Variants in KIRREL3 observed in about 807,000 individuals in gnomAD.
KIRREL3 encodes the protein kin of IRRE-like protein 3.
KIRREL3 carries 36 observed loss-of-function variants against 89.7 expected under a neutral mutation model. That is an observed-to-expected ratio of 0.40 (90% CI 0.31 to 0.53). The LOEUF (loss-of-function observed/expected upper bound fraction) is 0.53. Among genes scored for constraint, KIRREL3 ranks in the 20% least tolerant of loss-of-function variants. The pLI, the probability that KIRREL3 is intolerant of heterozygous loss-of-function variation, is 0.49. For missense variants in KIRREL3, 864 were observed against 1,056.6 expected, an observed-to-expected ratio of 0.82 and a Z score of 2.53; for synonymous variants, 445 against 441.4, an observed-to-expected ratio of 1.01 and a Z score of -0.10.
At chr11:126,506,431 G>A (rs1051561351) in intron 4 of KIRREL3, among the ~76,000 whole-genome samples, 7 of 152,090 alleles carry the variant, frequency 4.6e-5, no homozygotes, top group African/African-American at 1.7e-4. Flanking sequence ...TTTAAAAATA[G>A]GCAAAATATT....
chr11:126,693,769 T>G (rs955476500), intron 1 of KIRREL3, among the ~76,000 whole-genome samples: 5 of 152,244 alleles, frequency 3.3e-5, no homozygotes, highest in African/African-American at 1.2e-4. Flanking sequence ...AAGTCGCATC[T>G]GGTAGCAGAG....
Position 126,431,582 on chromosome 11 carries a change from C to A in KIRREL3, c.1589-56G>T. On this transcript the variant is annotated intron_variant, in intron 13 of 16. Coordinates refer to ENST00000525144, the MANE Select transcript of KIRREL3 (RefSeq NM_032531.4). This position sits in a 1 kb window ranked among gnomAD's most constrained non-coding sequence, Gnocchi z 7.1. The stretch of plus-strand genomic sequence containing the variant: ...CGGATGGGGAATGGCCTACTATCCC[C>A]CCATGATCTCACCCCGTTCCTGCGG... The A allele has an allele frequency of 6.5e-7, 1 of 1,542,120 alleles. No individual in the cohort carries two copies. Among genetic ancestry groups the A allele is most frequent in the South Asian group, 1.1e-5 (1 of 88,508 alleles).
Position 126,423,792 on chromosome 11 carries a change from A to C in KIRREL3, c.*788T>G, listed in dbSNP as rs561612536. On this transcript the variant is annotated 3_prime_UTR_variant, in exon 17 of 17. Transcript: ENST00000525144. ...GGAGGGGAGGAGTACACAAAGCAGG[A>C]GGTGGGTGGGGAGGCTGGGGTCACA... 1.3e-5 allele frequency: 2 copies of C among 151,620 alleles called. No homozygotes were observed. The highest frequency in any genetic ancestry group is 4.9e-5 in the African/African-American group (2 of 41,146). The allele number at this position is 151,620 out of a possible 1,614,324, so 9.4% of individuals were successfully genotyped here. A position where few individuals can be genotyped will look rare whatever the true frequency, so the allele number is the denominator to read the frequency against.
rs944100564 is a variant in KIRREL3, at chr11:126,471,691, G to A, written c.591+1618C>T. Among the ~76,000 whole-genome samples the A allele has an allele frequency of 6.6e-6, 1 of 151,988 alleles. No individual in the cohort carries two copies. Among genetic ancestry groups the A allele is most frequent in the East Asian group, 1.9e-4 (1 of 5,176 alleles). ...GTAGGGGTATAATGTCCTGGACTAT[G>A]GAGCCTGATGAAAAAAGGCTGTGGG... On this transcript the variant is annotated intron_variant, in intron 5 of 16. Coordinates refer to ENST00000525144, the MANE Select transcript of KIRREL3 (RefSeq NM_032531.4). This position sits in a 1 kb window ranked among gnomAD's most constrained non-coding sequence, Gnocchi z 5.4.
chr11:126,787,138 G>A (rs1007609550), intron 1 of KIRREL3, among the ~76,000 whole-genome samples: 3 of 152,158 alleles, frequency 2.0e-5, no homozygotes, highest in African/African-American at 7.2e-5. Context: ...CATAATGTTA[G>A]TTCAGCCAGA....
intron 15 of KIRREL3, among the ~76,000 whole-genome samples, chr11:126,426,732 G>C (rs1264812934): frequency 6.6e-6 from 1 of 152,130 alleles, no homozygotes; most frequent in African/African-American, 2.4e-5. Flanking sequence ...CTCTGGGCCG[G>C]GATGTTTCTT....
intron 4 of KIRREL3, among the ~76,000 whole-genome samples, chr11:126,499,917 ACTC>A (rs1168901479): frequency 2.0e-5 from 3 of 151,802 alleles, no homozygotes; most frequent in African/African-American, 7.3e-5. Context: ...TTGGCAGTAA[ACTC>A]CTTGAGGGCA....
intron 1 of KIRREL3, among the ~76,000 whole-genome samples, chr11:126,743,872 G>T (rs1490446193): frequency 6.6e-6 from 1 of 152,172 alleles, no homozygotes; most frequent in East Asian, 1.9e-4. Context: ...AGTGTGTGTG[G>T]TATGTATATG....
chr11:126,945,829 C>A (rs1784330), intron 1 of KIRREL3, among the ~76,000 whole-genome samples: 136,077 of 152,206 alleles, frequency 0.89, 60,979 homozygotes, highest in Middle Eastern at 0.96. Context: ...CTAAGAGTTG[C>A]CCTGTTGGAA....
chr11:126,681,977 A>G, intron 1 of KIRREL3: 1 of 435,002 alleles, frequency 2.3e-6, no homozygotes, highest in Non-Finnish European at 4.7e-6. Flanking sequence ...AAGAAAGAAC[A>G]GATGAGTTTG....
chr11:126,697,130 A>C lies in KIRREL3; in HGVS notation c.56-134218T>G, dbSNP rs1158366827. ...AGCATGTTCCCCTCAGCCTCCTTGC[A>C]AATGAAGGCTTAGTCACTTCCTCCG... On this transcript the variant is annotated intron_variant, in intron 1 of 16. Coordinates refer to ENST00000525144, the MANE Select transcript of KIRREL3 (RefSeq NM_032531.4). The surrounding 1 kb of genome is among the most constrained non-coding windows in gnomAD (Gnocchi z 4.2). 6.6e-6 allele frequency among the ~76,000 whole-genome samples: 1 copy of C among 152,198 alleles called. No individual in the cohort carries two copies. The highest frequency in any genetic ancestry group is 1.5e-5 in the Non-Finnish European group (1 of 68,036).
At position 126,843,492 on chromosome 11, in the gene KIRREL3, C is replaced by T. The variant is rs1944031791; in HGVS notation, c.55+156963G>A. 1.3e-5 allele frequency among the ~76,000 whole-genome samples: 2 copies of T among 152,124 alleles called. No homozygotes were observed. Among genetic ancestry groups the T allele is most frequent in the African/African-American group, 2.4e-5 (1 of 41,410 alleles). On this transcript the variant is annotated intron_variant, in intron 1 of 16. Coordinates refer to ENST00000525144, the MANE Select transcript of KIRREL3 (RefSeq NM_032531.4). This position sits in a 1 kb window ranked among gnomAD's most constrained non-coding sequence, Gnocchi z 4.6. ...CTTTCAATTGTGATCTGCCCAGTCTCGTCCCACAGAGACTTCCAGCCTAGT... is the reference window on the plus strand; with the variant it reads ...CTTTCAATTGTGATCTGCCCAGTCTTGTCCCACAGAGACTTCCAGCCTAGT...
At chr11:126,986,799 C>G (rs562108435) in intron 1 of KIRREL3, among the ~76,000 whole-genome samples, 1 of 152,210 alleles carries the variant, frequency 6.6e-6, no homozygotes, top group Non-Finnish European at 1.5e-5. Context: ...GCAGCTCCCA[C>G]GAGTCACCTT....
rs756726668 is a variant in KIRREL3, at chr11:126,977,716, G to T, written c.55+22739C>A. Among the ~76,000 whole-genome samples, 1 of 152,154 alleles carries T rather than the reference G, an allele frequency of 6.6e-6. No homozygotes were observed. Among genetic ancestry groups the T allele is most frequent in the Non-Finnish European group, 1.5e-5 (1 of 68,038 alleles). On this transcript the variant is annotated intron_variant, in intron 1 of 16. Transcript: ENST00000525144. The surrounding 1 kb of genome is among the most constrained non-coding windows in gnomAD (Gnocchi z 4.7). ...GCCCAGAGTGACAGAGTCCCTTATT[G>T]ATTTTTCCCCAACCTTCTGAATGAT...
At chr11:126,469,246 C>T (rs1956815397) in intron 5 of KIRREL3, among the ~76,000 whole-genome samples, 1 of 152,266 alleles carries the variant, frequency 6.6e-6, no homozygotes. Flanking sequence ...GTGACAGCCA[C>T]TGAGGGCGTC....
chr11:126,907,744 G>A (rs928106122), intron 1 of KIRREL3, among the ~76,000 whole-genome samples: 2 of 152,052 alleles, frequency 1.3e-5, no homozygotes, highest in African/African-American at 2.4e-5. Flanking sequence ...AGATGGACAC[G>A]AAGTCAGCAG....
rs1427851866 is a variant in KIRREL3, at chr11:126,903,763, C to T, written c.55+96692G>A. On this transcript the variant is annotated intron_variant, in intron 1 of 16. Coordinates refer to ENST00000525144, the MANE Select transcript of KIRREL3 (RefSeq NM_032531.4). The surrounding 1 kb of genome is among the most constrained non-coding windows in gnomAD (Gnocchi z 4.5). ...TTCTGTAATCACCTTAATAGGTCAACATAACAATGGATGTTGCTGGTGGAA... is the reference window on the plus strand; with the variant it reads ...TTCTGTAATCACCTTAATAGGTCAATATAACAATGGATGTTGCTGGTGGAA... Among the ~76,000 whole-genome samples, 1 of 152,212 alleles carries T rather than the reference C, an allele frequency of 6.6e-6. No individual in the cohort carries two copies. Among genetic ancestry groups the T allele is most frequent in the Non-Finnish European group, 1.5e-5 (1 of 68,036 alleles).
chr11:126,857,328 G>C (rs952675136), intron 1 of KIRREL3, among the ~76,000 whole-genome samples: 1 of 152,262 alleles, frequency 6.6e-6, no homozygotes. Context: ...TCACCCTCCT[G>C]CCTGCCCCAA....
At position 126,812,262 on chromosome 11, in the gene KIRREL3, G is replaced by A. The variant is rs1951415877; in HGVS notation, c.55+188193C>T. ...TTAGGATAGCGCTGTGTATATGGCA[G>A]GCACTCATTACTATTGTTTTGTAGA... On this transcript the variant is annotated intron_variant, in intron 1 of 16. Transcript: ENST00000525144. The surrounding 1 kb of genome is among the most constrained non-coding windows in gnomAD (Gnocchi z 5.2). Among the ~76,000 whole-genome samples, 1 of 152,110 alleles carries A rather than the reference G, an allele frequency of 6.6e-6. No homozygotes were observed. The highest frequency in any genetic ancestry group is 2.4e-5 in the African/African-American group (1 of 41,402).
Sources: allele counts gnomAD v4.1 joint callset (sites outside exome capture counted in the v4.1 genomes callset), GRCh38; gene constraint gnomAD v4.1.1; non-coding constraint Gnocchi (gnomAD v3.1); transcripts MANE v1.5; gene names NCBI Gene and HGNC (gene_info 2026-07-23, HGNC 2026-07-21).